PVALEF: variants seen among roughly 807,000 people sequenced by gnomAD.
PVALEF encodes the protein parvalbumin like EF-hand containing.
Under a neutral mutation model 1.2 loss-of-function variants are expected in PVALEF, and 2 were observed. That is an observed-to-expected ratio of 1.68 (90% confidence interval 0.69 to 5.28). The LOEUF (loss-of-function observed/expected upper bound fraction) is 5.28, where lower values mean the gene tolerates loss of function less well. Ranked by LOEUF, PVALEF falls within the 30% of genes most tolerant of loss-of-function variation. The pLI is 0.06. For synonymous variants in PVALEF, 16 were observed against 6.5 expected (o/e 2.47, Z -2.24); for missense variants, 35 against 17.7 (o/e 1.97, Z -1.75).
intron 2 of PVALEF, among the ~76,000 whole-genome samples, chr17:81,170,750 G>A (rs1807580386): frequency 6.6e-6 from 1 of 152,160 alleles, no homozygotes; most frequent in South Asian, 2.1e-4. Flanking sequence ...GCACTGCAGA[G>A]CCCCAAGGAT....
At chr17:81,177,115 C>G (rs1406882513) in intron 2 of PVALEF, among the ~76,000 whole-genome samples, 4 of 151,000 alleles carry the variant, frequency 2.6e-5, no homozygotes, top group African/African-American at 9.7e-5. Flanking sequence ...TTAGTAGAGA[C>G]AGGGTTTCAC....
intron 2 of PVALEF, among the ~76,000 whole-genome samples, chr17:81,174,638 A>C (rs1409342228): frequency 5.3e-5 from 8 of 150,302 alleles, no homozygotes; most frequent in Non-Finnish European, 1.2e-4. Flanking sequence ...TCAAAAAAAA[A>C]AGAAAGAAAA....
chr17:81,178,653 C>T (rs2061543284), intron 2 of PVALEF, among the ~76,000 whole-genome samples: 1 of 152,138 alleles, frequency 6.6e-6, no homozygotes, highest in African/African-American at 2.4e-5. Flanking sequence ...ATGTCTGGCC[C>T]TGCAACCTGT....
chr17:81,169,378 C>T (rs2725399), intron 2 of PVALEF, among the ~76,000 whole-genome samples: 98,416 of 151,860 alleles, frequency 0.65, 32,499 homozygotes, highest in Admixed American at 0.73. Context: ...GGGGGGCGGA[C>T]CGCGAGGTCA....
rs1295937417 is a variant in PVALEF, at chr17:81,178,993, T to C, written c.-264T>C. 2 of 434,888 alleles carry C rather than the reference T, an allele frequency of 4.6e-6. No homozygotes were observed. Among genetic ancestry groups the C allele is most frequent in the African/African-American group, 4.0e-5 (2 of 49,504 alleles). The allele number at this position is 434,888 out of a possible 1,614,324, so 26.9% of individuals were successfully genotyped here. A position where few individuals can be genotyped will look rare whatever the true frequency, so the allele number is the denominator to read the frequency against. On this transcript the variant is annotated 5_prime_UTR_variant, in exon 3 of 7. Coordinates refer to ENST00000637878, the MANE Select transcript of PVALEF (RefSeq NM_001354639.2). ...GACACACCAAGTGCCTGCGAGCCCC[T>C]GGGAGCTGCCCGTGCCAGGCTGGAG...
chr17:81,178,483 T>C (rs1438482177), intron 2 of PVALEF, among the ~76,000 whole-genome samples: 1 of 152,038 alleles, frequency 6.6e-6, no homozygotes, highest in African/African-American at 2.4e-5. Context: ...GGGAGGGTGG[T>C]TTGGGAGGAG....
rs1195485191 is a variant in PVALEF at position 81,181,309 on chromosome 17, T to C, written c.83T>C (p.Leu28Pro). 6 of 694,606 alleles carry C rather than the reference T, an allele frequency of 8.6e-6. No homozygotes were observed. In the African/African-American group the frequency reaches 1.1e-4, roughly 12 times the overall value. 43.0% of individuals were successfully genotyped at this position (694,606 alleles called of 1,614,324 possible). A position where few individuals can be genotyped will look rare whatever the true frequency, so the allele number is the denominator to read the frequency against. ...TSLSDKDIELLPTDMRHHGSF... is the reference protein window; with the variant it reads ...TSLSDKDIELPPTDMRHHGSF... ...CTATCAGACAAGGACATTGAGCTGC[T>C]GCCCACAGACATGAGACACCACGGT... Residue 28 changes from leucine (L) to proline (P), a missense_variant, in exon 4 of 7, where the codon CTG becomes CCG. Physicochemically the swap from Leu to Pro is moderately conservative, Grantham distance 98. Coordinates refer to ENST00000637878, the MANE Select transcript of PVALEF (RefSeq NM_001354639.2).
chr17:81,169,898 A>C (rs2061512932), intron 2 of PVALEF, among the ~76,000 whole-genome samples: 2 of 150,190 alleles, frequency 1.3e-5, no homozygotes, highest in Admixed American at 1.3e-4. Context: ...ATGTGCATAG[A>C]GGTAGGTGTG....
At chr17:81,176,295 G>C (rs1206450649) in intron 2 of PVALEF, among the ~76,000 whole-genome samples, 1 of 152,060 alleles carries the variant, frequency 6.6e-6, no homozygotes, top group Non-Finnish European at 1.5e-5. Flanking sequence ...AAACTGGGCG[G>C]ATCACCTGAG....
Position 81,183,140 on chromosome 17 carries a change from A to C in PVALEF, c.*129A>C. ...AGGGTGGACCCAGCTTTTGAAGGAA[A>C]ATGGAAGAAAAGCAGCATTAAGTGA... On this transcript the variant is annotated 3_prime_UTR_variant, in exon 7 of 7. Transcript: ENST00000637878. 1 of 397,186 alleles carries C rather than the reference A, an allele frequency of 2.5e-6. No individual in the cohort carries two copies. The highest frequency in any genetic ancestry group is 4.4e-6 in the Non-Finnish European group (1 of 225,290). 24.6% of individuals were successfully genotyped at this position (397,186 alleles called of 1,614,324 possible). A position where few individuals can be genotyped will look rare whatever the true frequency, so the allele number is the denominator to read the frequency against.
chr17:81,166,888 CT>C, intron 2 of PVALEF, 44 bp downstream of exon 2: 1 of 347,226 alleles, frequency 2.9e-6, no homozygotes, highest in Non-Finnish European at 5.9e-6. Context: ...GGGGCCATCC[CT>C]TCCCCTATGT....
At chr17:81,176,849 G>A (rs371248019) in intron 2 of PVALEF, among the ~76,000 whole-genome samples, 2 of 151,468 alleles carry the variant, frequency 1.3e-5, no homozygotes, top group African/African-American at 4.9e-5. Context: ...CCAAAAGGTG[G>A]ACGAAAAATC....
At position 81,179,710 on chromosome 17, in the gene PVALEF, G is replaced by A. The variant is rs56776739; in HGVS notation, c.-105+558G>A. 9.4e-3 allele frequency among the ~76,000 whole-genome samples: 1,433 copies of A among 152,290 alleles called. 26 individuals are homozygous for A. The highest frequency in any genetic ancestry group is 0.032 in the African/African-American group (1,331 of 41,554). The stretch of plus-strand genomic sequence containing the variant: ...TCTCTCATCTCAGCATCTGCCCTTG[G>A]AGACTGGGTGGCAGAGGCTAGTTGC... On this transcript the variant is annotated intron_variant, in intron 3 of 6. Coordinates refer to ENST00000637878, the MANE Select transcript of PVALEF (RefSeq NM_001354639.2).
intron 2 of PVALEF, among the ~76,000 whole-genome samples, chr17:81,176,836 T>C (rs1056645616): frequency 1.3e-5 from 2 of 152,024 alleles, no homozygotes; most frequent in African/African-American, 2.4e-5. Context: ...TTATTCACAA[T>C]TGCCAAAAGG....
intron 2 of PVALEF, among the ~76,000 whole-genome samples, chr17:81,169,811 T>C (rs1189727482): frequency 6.6e-6 from 1 of 151,576 alleles, no homozygotes; most frequent in African/African-American, 2.4e-5. Flanking sequence ...TTGGTATGTA[T>C]ATGTGTGTCT....
At chr17:81,168,698 G>A (rs996072376) in intron 2 of PVALEF, among the ~76,000 whole-genome samples, 1 of 152,134 alleles carries the variant, frequency 6.6e-6, no homozygotes, top group South Asian at 2.1e-4. Context: ...GGAGAGTGTC[G>A]GTGCAGAAGC....
intron 2 of PVALEF, among the ~76,000 whole-genome samples, chr17:81,169,400 C>G (rs2061510390): frequency 6.6e-6 from 1 of 151,980 alleles, no homozygotes; most frequent in African/African-American, 2.4e-5. Context: ...GAGTTCGAGA[C>G]CAGCCTGGCC....
At position 81,178,730 on chromosome 17, in the gene PVALEF, C is replaced by T. The variant is rs536922339; in HGVS notation, c.-339-188C>T. ...ATCTCCCTGCACCACCCCCACCGCC[C>T]GCAGCCCCTCCCACTGTGTACAACC... On this transcript the variant is annotated intron_variant, in intron 2 of 6. Coordinates refer to ENST00000637878, the MANE Select transcript of PVALEF (RefSeq NM_001354639.2). Among the ~76,000 whole-genome samples, 11 of 152,352 alleles carry T rather than the reference C, an allele frequency of 7.2e-5. No individual in the cohort carries two copies. In the South Asian group the frequency reaches 1.0e-3, roughly 14 times the overall value.
At chr17:81,177,472 C>T (rs1262736699) in intron 2 of PVALEF, among the ~76,000 whole-genome samples, 1 of 149,280 alleles carries the variant, frequency 6.7e-6, no homozygotes, top group African/African-American at 2.5e-5. Context: ...TGCTTGAACC[C>T]GGGAGGCGGA....
Sources: gnomAD v4.1 joint callset for allele counts (sites outside exome capture counted in the v4.1 genomes callset) on GRCh38, gnomAD v4.1.1 for gene constraint, MANE v1.5 for transcripts, NCBI Gene and HGNC (gene_info 2026-07-23, HGNC 2026-07-21) for gene names.